The following ANKIB1 variants were observed in gnomAD, a reference collection of about 807,000 sequenced individuals.
The protein encoded by ANKIB1 is ankyrin repeat and IBR domain containing 1.
ANKIB1 carries 43 observed loss-of-function variants against 122.1 expected under a neutral mutation model. The ratio of observed to expected loss-of-function variants is 0.35; its 90% confidence interval spans 0.28 to 0.45. The LOEUF is 0.45. ANKIB1 is among the 20% of genes least tolerant of loss of function. The probability of loss-of-function intolerance (pLI) is 1.00; values close to 1 mark genes in which losing one functional copy is unlikely to be tolerated. For missense variants in ANKIB1, 992 were observed against 1,329.5 expected, an observed-to-expected ratio of 0.75 and a Z score of 3.95; for synonymous variants, 390 against 442.0, an observed-to-expected ratio of 0.88 and a Z score of 1.48.
chr7:92,336,035 T>A (rs924939284), intron 5 of ANKIB1, among the ~76,000 whole-genome samples: 1 of 152,108 alleles, frequency 6.6e-6, no homozygotes, highest in Admixed American at 6.6e-5. Context: ...CCATAAAATG[T>A]AAGAATCTTG....
chr7:92,290,500 A>G (rs1164853041), intron 1 of ANKIB1, among the ~76,000 whole-genome samples: 1 of 151,986 alleles, frequency 6.6e-6, no homozygotes, highest in Non-Finnish European at 1.5e-5. Flanking sequence ...AATAGTGCAG[A>G]TAACTGCAGA....
At chr7:92,267,024 C>G (rs1401351205) in intron 1 of ANKIB1, among the ~76,000 whole-genome samples, 1 of 152,094 alleles carries the variant, frequency 6.6e-6, no homozygotes, top group African/African-American at 2.4e-5. Flanking sequence ...TGCTGCTGAT[C>G]TTGATAAACA....
intron 5 of ANKIB1, among the ~76,000 whole-genome samples, chr7:92,334,653 A>G (rs1803247961): frequency 1.3e-5 from 2 of 152,016 alleles, no homozygotes; most frequent in Admixed American, 1.3e-4. Context: ...TAAAAGTAAT[A>G]AATATCTATG....
intron 1 of ANKIB1, among the ~76,000 whole-genome samples, chr7:92,269,994 C>T (rs1185837259): frequency 1.3e-5 from 2 of 151,126 alleles, no homozygotes; most frequent in Non-Finnish European, 3.0e-5. Context: ...GTGTGAGTTC[C>T]CCGCCCTGTG....
At chr7:92,276,291 G>T (rs1282971223) in intron 1 of ANKIB1, among the ~76,000 whole-genome samples, 3 of 152,176 alleles carry the variant, frequency 2.0e-5, no homozygotes, top group African/African-American at 4.8e-5. Flanking sequence ...ACTTCAATTT[G>T]TGTTTCCAAA....
At chr7:92,361,475 G>A (rs1369926121) in intron 9 of ANKIB1, among the ~76,000 whole-genome samples, 1 of 152,084 alleles carries the variant, frequency 6.6e-6, no homozygotes, top group Non-Finnish European at 1.5e-5. Flanking sequence ...AAATCACATG[G>A]GGCCTGTTCT....
At chr7:92,288,390 G>C (rs1802180108) in intron 1 of ANKIB1, among the ~76,000 whole-genome samples, 1 of 152,158 alleles carries the variant, frequency 6.6e-6, no homozygotes, top group Non-Finnish European at 1.5e-5. Context: ...TGGATTAGGA[G>C]ACTTAATATT....
intron 3 of ANKIB1, among the ~76,000 whole-genome samples, chr7:92,317,701 T>C (rs760285652): frequency 6.3e-4 from 96 of 152,198 alleles, no homozygotes; most frequent in Non-Finnish European, 1.1e-3. Flanking sequence ...GGCATTGATA[T>C]AAGCCCGTTG....
chr7:92,278,372 G>A (rs938744620), intron 1 of ANKIB1, among the ~76,000 whole-genome samples: 4 of 152,140 alleles, frequency 2.6e-5, no homozygotes, highest in African/African-American at 7.2e-5. Context: ...CTCAGCAGTC[G>A]GTTTGAGTTC....
intron 1 of ANKIB1, among the ~76,000 whole-genome samples, chr7:92,267,871 G>A (rs761587837): frequency 3.9e-5 from 6 of 152,146 alleles, no homozygotes; most frequent in Non-Finnish European, 8.8e-5. Flanking sequence ...GGTGGTATAG[G>A]AATGGGTTAA....
chr7:92,367,729 G>A (rs1230349670), intron 10 of ANKIB1, among the ~76,000 whole-genome samples: 1 of 152,160 alleles, frequency 6.6e-6, no homozygotes, highest in East Asian at 1.9e-4. Flanking sequence ...AATAGCCTCT[G>A]TTGTGTCTAA....
At position 92,331,725 on chromosome 7, in the gene ANKIB1, T is replaced by C. The variant is rs117498668; in HGVS notation, c.787+3825T>C. Among the ~76,000 whole-genome samples the C allele has an allele frequency of 2.0e-4, 31 of 152,298 alleles. No homozygotes were observed. The East Asian group carries it at 5.8e-3, about 28-fold the overall frequency. On this transcript the variant is annotated intron_variant, in intron 5 of 19. Coordinates refer to ENST00000265742, the MANE Select transcript of ANKIB1 (RefSeq NM_019004.2). Reference sequence around the variant, plus strand: ...GTGGCATATGTCACTCCTGTACGTATTTCATTCATTGACCAGAATTCAGTC... The same window carrying C: ...GTGGCATATGTCACTCCTGTACGTACTTCATTCATTGACCAGAATTCAGTC...
chr7:92,316,018 G>T (rs1250927207), intron 3 of ANKIB1, among the ~76,000 whole-genome samples: 1 of 152,068 alleles, frequency 6.6e-6, no homozygotes, highest in Admixed American at 6.5e-5. Flanking sequence ...CTCTCTTAAA[G>T]CCCCCTACCC....
intron 1 of ANKIB1, among the ~76,000 whole-genome samples, chr7:92,255,643 A>G (rs1053384536): frequency 6.6e-6 from 1 of 152,196 alleles, no homozygotes; most frequent in Non-Finnish European, 1.5e-5. Context: ...CAGAATAACA[A>G]GTTCTTATGA....
rs191723687 is a variant in ANKIB1 at position 92,319,456 on chromosome 7, C to G, written c.613C>G (p.Arg205Gly). Residue 205 changes from arginine to glycine, a missense_variant, in exon 4 of 20, where the codon CGG (arginine) becomes GGG (glycine). Around this residue, in one of 4 missense-constraint regions of ANKIB1, gnomAD observed 521 missense variants for 777.7 expected, o/e 0.67. Transcript: ENST00000265742. ...LNLESQMVFS[R>G]DPEAEEIEAE... ...TCTGGAATCTCAAATGGTATTCTCA[C>G]GGGATCCCGAGGCTGAAGAAATAGA... The G allele has an allele frequency of 1.9e-6, 3 of 1,613,302 alleles. No individual in the cohort carries two copies. Among genetic ancestry groups the G allele is most frequent in the Non-Finnish European group, 2.5e-6 (3 of 1,179,620 alleles).
chr7:92,361,684 A>G (rs759163376), intron 9 of ANKIB1, among the ~76,000 whole-genome samples: 38 of 152,186 alleles, frequency 2.5e-4, no homozygotes, highest in Non-Finnish European at 4.9e-4. Flanking sequence ...TTTTTTAATA[A>G]AACTGGTCTA....
At chr7:92,333,483 T>A (rs1304005253) in intron 5 of ANKIB1, among the ~76,000 whole-genome samples, 1 of 152,236 alleles carries the variant, frequency 6.6e-6, no homozygotes, top group Non-Finnish European at 1.5e-5. Flanking sequence ...CATCTTTAGA[T>A]GTCCACTCCA....
At chr7:92,347,196 G>T (rs960475876) in intron 7 of ANKIB1, among the ~76,000 whole-genome samples, 1 of 152,116 alleles carries the variant, frequency 6.6e-6, no homozygotes, top group Non-Finnish European at 1.5e-5. Flanking sequence ...TCCAACAGTG[G>T]CCCACAGGCT....
At chr7:92,297,093 T>G (rs1802371694) in intron 2 of ANKIB1, among the ~76,000 whole-genome samples, 1 of 152,232 alleles carries the variant, frequency 6.6e-6, no homozygotes, top group Non-Finnish European at 1.5e-5. Context: ...ATAGAGCTAT[T>G]AACAGTGCTG....
Sources: gnomAD v4.1 joint callset for allele counts (sites outside exome capture counted in the v4.1 genomes callset) on GRCh38, gnomAD v4.1.1 for gene constraint, gnomAD v4.1.1 regional missense constraint, MANE v1.5 for transcripts, NCBI Gene and HGNC (gene_info 2026-07-23, HGNC 2026-07-21) for gene names.